AGBL1: variants seen among roughly 807,000 people sequenced by gnomAD.
AGBL1 encodes AGBL carboxypeptidase 1.
AGBL1 carries 130 observed loss-of-function variants against 118.9 expected under a neutral mutation model. That is an observed-to-expected ratio of 1.09 (90% CI 0.95 to 1.26). The LOEUF is 1.26. Among genes scored for constraint, AGBL1 ranks in the 50% most tolerant of loss-of-function variants. The pLI, the probability that AGBL1 is intolerant of heterozygous loss-of-function variation, is 0.00. For synonymous variants in AGBL1, 555 were observed against 478.9 expected (o/e 1.16, Z -2.08); for missense variants, 1,584 against 1,298.1 (o/e 1.22, Z -3.38).
chr15:86,159,521 T>A (rs1300866594), intron 5 of AGBL1, among the ~76,000 whole-genome samples: 1 of 152,152 alleles, frequency 6.6e-6, no homozygotes, highest in African/African-American at 2.4e-5. Context: ...TAGTCCATCA[T>A]GGTCATGTGC....
At chr15:86,569,677 G>A (rs1409583951) in intron 21 of AGBL1, among the ~76,000 whole-genome samples, 1 of 152,138 alleles carries the variant, frequency 6.6e-6, no homozygotes, top group African/African-American at 2.4e-5. Context: ...TATAATGTCT[G>A]TCAGCATCAT....
At chr15:86,652,407 G>A (rs550311250) in intron 21 of AGBL1, among the ~76,000 whole-genome samples, 9 of 152,030 alleles carry the variant, frequency 5.9e-5, no homozygotes, top group South Asian at 2.1e-4. Context: ...TTTAATGTTC[G>A]AGGCCAGAAT....
chr15:86,793,747 A>G (rs1479176966), intron 22 of AGBL1, among the ~76,000 whole-genome samples: 1 of 152,224 alleles, frequency 6.6e-6, no homozygotes, highest in East Asian at 1.9e-4. Context: ...CAGAATATAC[A>G]TTCAACAACA....
chr15:86,889,594 T>C (rs546974608), intron 22 of AGBL1, among the ~76,000 whole-genome samples: 1 of 152,284 alleles, frequency 6.6e-6, no homozygotes. Flanking sequence ...CCCCTCCATG[T>C]GTCCATGTGT....
In AGBL1 at chr15:86,866,498, G is replaced by A. The variant is rs574567607; in HGVS notation, c.3159-40589G>A. Among the ~76,000 whole-genome samples the A allele has an allele frequency of 1.1e-4, 16 of 152,220 alleles. No homozygotes were observed. In the South Asian group the frequency reaches 3.3e-3, roughly 32 times the overall value. ...ATAAGTCTTTCAGAAAACAATTATT[G>A]AGCACCTACTCTTTCCCAAAGGAGG... On this transcript the variant is annotated intron_variant, in intron 22 of 22. Coordinates refer to ENST00000614907, the MANE Select transcript of AGBL1 (RefSeq NM_001386094.1).
chr15:86,791,745 T>C (rs920905961), intron 22 of AGBL1, among the ~76,000 whole-genome samples: 5 of 149,838 alleles, frequency 3.3e-5, no homozygotes, highest in Admixed American at 6.7e-5. Flanking sequence ...TATATATATA[T>C]ATATATTTTG....
chr15:86,146,677 CA>C (rs1244113631), intron 3 of AGBL1, among the ~76,000 whole-genome samples: 1 of 152,178 alleles, frequency 6.6e-6, no homozygotes, highest in East Asian at 1.9e-4. Context: ...GTGATTACAT[CA>C]CCACAGTTTC....
At chr15:86,094,002 T>G (rs1896194264) in intron 1 of AGBL1, among the ~76,000 whole-genome samples, 1 of 152,204 alleles carries the variant, frequency 6.6e-6, no homozygotes, top group Non-Finnish European at 1.5e-5. Context: ...CATTCTAATC[T>G]AGTATTGTAT....
intron 5 of AGBL1, among the ~76,000 whole-genome samples, chr15:86,222,615 C>T (rs1390419370): frequency 2.0e-5 from 3 of 152,124 alleles, no homozygotes; most frequent in Non-Finnish European, 4.4e-5. Flanking sequence ...AATCTTATCT[C>T]CATCATTGCC....
chr15:86,785,306 T>C (rs942207476), intron 22 of AGBL1, among the ~76,000 whole-genome samples: 1 of 151,648 alleles, frequency 6.6e-6, no homozygotes, highest in Admixed American at 6.6e-5. Flanking sequence ...CGGAATCCTT[T>C]AGGACTTTTT....
intron 18 of AGBL1, among the ~76,000 whole-genome samples, chr15:86,470,009 C>T (rs1458934165): frequency 6.6e-6 from 1 of 152,096 alleles, no homozygotes. Context: ...AATATATTCC[C>T]CCATTCTGTA....
At chr15:86,331,914 A>G (rs2080276109) in intron 17 of AGBL1, among the ~76,000 whole-genome samples, 1 of 152,188 alleles carries the variant, frequency 6.6e-6, no homozygotes. Flanking sequence ...CAGGCTAACA[A>G]CTTCACAGTG....
intron 1 of AGBL1, among the ~76,000 whole-genome samples, chr15:86,089,728 C>T (rs1895894562): frequency 2.0e-5 from 3 of 152,224 alleles, no homozygotes; most frequent in South Asian, 2.1e-4. Context: ...ACAGTTTCGA[C>T]CCAGAGCATC....
chr15:86,217,510 C>A (rs2078208862), intron 5 of AGBL1, among the ~76,000 whole-genome samples: 1 of 152,072 alleles, frequency 6.6e-6, no homozygotes, highest in Admixed American at 6.5e-5. Context: ...TAACTGCAAA[C>A]TAAATTGTGC....
At chr15:86,984,177 G>T (rs1249159471) in intron 23 of AGBL1, among the ~76,000 whole-genome samples, 1 of 152,032 alleles carries the variant, frequency 6.6e-6, no homozygotes. Flanking sequence ...TATTCATTAG[G>T]TAGGCTTAGT....
At chr15:86,358,585 A>C (rs2080757022) in intron 17 of AGBL1, among the ~76,000 whole-genome samples, 1 of 151,790 alleles carries the variant, frequency 6.6e-6, no homozygotes, top group Admixed American at 6.6e-5. Context: ...TTTATTTTTA[A>C]TTTTTTGAGG....
chr15:86,267,004 A>G lies in AGBL1; in HGVS notation c.1766A>G (p.Asn589Ser), dbSNP rs1210227756. Residue 589 changes from asparagine (N) to serine (S), a missense_variant, in exon 13 of 23, where the codon AAT becomes AGT. Asn to Ser is a conservative substitution (Grantham distance 46, BLOSUM62 1). Coordinates refer to ENST00000614907, the MANE Select transcript of AGBL1 (RefSeq NM_001386094.1). ...SLDEPWPLQD[N>S]ASNCLRFFSK... ...TTTCATTGTAGGCCTTTGCAAGACA[A>G]TGCTTCCAATTGTTTACGGTTCTTC... is the stretch of plus-strand genomic sequence containing the variant. The G allele has an allele frequency of 3.2e-6, 5 of 1,569,776 alleles. No individual in the cohort carries two copies. The highest frequency in any genetic ancestry group is 2.3e-5 in the East Asian group (1 of 42,972).
chr15:86,099,971 GATAT>G (rs1896614472), intron 1 of AGBL1, among the ~76,000 whole-genome samples: 1 of 151,866 alleles, frequency 6.6e-6, no homozygotes, highest in East Asian at 1.9e-4. Context: ...GTGGGTTTCT[GATAT>G]ATGGCTTTTA....
At chr15:86,186,014 A>G (rs1028815140) in intron 5 of AGBL1, among the ~76,000 whole-genome samples, 1 of 152,122 alleles carries the variant, frequency 6.6e-6, no homozygotes, top group East Asian at 1.9e-4. Context: ...AGTAGTTCCT[A>G]TAGGGTGGGA....
Sources: gnomAD v4.1 joint callset for allele counts (sites outside exome capture counted in the v4.1 genomes callset) on GRCh38, gnomAD v4.1.1 for gene constraint, MANE v1.5 for transcripts, NCBI Gene and HGNC (gene_info 2026-07-23, HGNC 2026-07-21) for gene names.